Variants in EPHA3 observed in about 807,000 individuals in gnomAD.
EPHA3 encodes EPH receptor A3.
In EPHA3, 42 loss-of-function variants were observed where a neutral mutation model predicts 107.1. The observed-to-expected ratio is 0.39, with a 90% CI of 0.31 to 0.51. EPHA3 has a LOEUF of 0.51. EPHA3 is among the 20% of genes least tolerant of loss of function. The probability of loss-of-function intolerance (pLI) is 0.78; values close to 1 mark genes in which losing one functional copy is unlikely to be tolerated. For missense variants in EPHA3, 1,183 were observed against 1,211.2 expected (o/e 0.98, Z 0.35); for synonymous variants, 461 against 424.8 (o/e 1.09, Z -1.05).
chr3:89,420,768 G>GGT (rs1436140121), intron 11 of EPHA3, among the ~76,000 whole-genome samples: 1 of 148,362 alleles, frequency 6.7e-6, no homozygotes, highest in Non-Finnish European at 1.5e-5. Context: ...TGCATCAAGT[G>GGT]GTGGTTGCCT....
intron 1 of EPHA3, among the ~76,000 whole-genome samples, chr3:89,121,554 C>G (rs1031932009): frequency 2.0e-5 from 3 of 151,910 alleles, no homozygotes; most frequent in Non-Finnish European, 4.4e-5. Context: ...GTCAAGAGAT[C>G]GAGACAATCC....
chr3:89,443,702 A>T (rs1709826591), intron 13 of EPHA3, among the ~76,000 whole-genome samples: 1 of 152,172 alleles, frequency 6.6e-6, no homozygotes, highest in African/African-American at 2.4e-5. Flanking sequence ...CAGAGGTAGA[A>T]AATAAGACAT....
intron 15 of EPHA3, among the ~76,000 whole-genome samples, chr3:89,472,253 G>A (rs1486477085): frequency 1.3e-5 from 2 of 152,170 alleles, no homozygotes; most frequent in Non-Finnish European, 2.9e-5. Context: ...TTTGTGGATG[G>A]AGAAGGGGAG....
chr3:89,398,403 T>C (rs1708891987), intron 6 of EPHA3, among the ~76,000 whole-genome samples: 1 of 152,348 alleles, frequency 6.6e-6, no homozygotes, highest in Non-Finnish European at 1.5e-5. Context: ...GTGAATCTAA[T>C]GTACAATGTG....
intron 10 of EPHA3, among the ~76,000 whole-genome samples, chr3:89,417,254 C>T (rs1709267724): frequency 1.3e-5 from 2 of 151,404 alleles, no homozygotes; most frequent in African/African-American, 4.8e-5. Context: ...AATCACACAG[C>T]TAATATGTGG....
chr3:89,109,608 A>G (rs961029198), intron 1 of EPHA3, among the ~76,000 whole-genome samples: 1 of 152,018 alleles, frequency 6.6e-6, no homozygotes, highest in Non-Finnish European at 1.5e-5. Flanking sequence ...AAAAGACACC[A>G]AACTATTTCA....
At chr3:89,393,715 G>C (rs1165578657) in intron 5 of EPHA3, among the ~76,000 whole-genome samples, 1 of 152,064 alleles carries the variant, frequency 6.6e-6, no homozygotes, top group Admixed American at 6.5e-5. Context: ...CACTGGGGCT[G>C]AAATTTTTTT....
At chr3:89,357,902 A>G (rs1437013196) in intron 5 of EPHA3, among the ~76,000 whole-genome samples, 1 of 151,260 alleles carries the variant, frequency 6.6e-6, no homozygotes, top group African/African-American at 2.4e-5. Context: ...TTTCCATTCT[A>G]AGCTGCTTTT....
At chr3:89,113,738 T>TGG (rs140518086) in intron 1 of EPHA3, among the ~76,000 whole-genome samples, 3,597 of 141,526 alleles carry the variant, frequency 0.025, 122 homozygotes, top group African/African-American at 0.078. Context: ...GGGGTTGAGG[T>TGG]GGGGGGGGGC....
rs770788537 is a variant in EPHA3 at position 89,367,451 on chromosome 3, G to A, written c.1306+25361G>A. On this transcript the variant is annotated intron_variant, in intron 5 of 16. Transcript: ENST00000336596. ...GGTGAAGTGACTCCTCAAAGGCAGG[G>A]ACCTAGCTTTATCCATGTTTGCTGA... Among the ~76,000 whole-genome samples, 104 of 150,598 alleles carry A rather than the reference G, an allele frequency of 6.9e-4. 6 individuals carry two copies. In the Middle Eastern group the frequency reaches 0.014, roughly 20 times the overall value.
intron 5 of EPHA3, among the ~76,000 whole-genome samples, chr3:89,385,705 A>G (rs568369710): frequency 6.6e-6 from 1 of 152,136 alleles, no homozygotes; most frequent in Non-Finnish European, 1.5e-5. Flanking sequence ...TGTGGAAGCA[A>G]CTTAGGAACT....
chr3:89,431,116 C>T (rs776747741), intron 12 of EPHA3, 34 bp from the exon 13 acceptor site: 9 of 1,584,092 alleles, frequency 5.7e-6, no homozygotes, highest in East Asian at 2.2e-5. Context: ...GAAATAGGAA[C>T]GTATCTTAAT....
At chr3:89,310,179 G>C (rs1293388769) in intron 3 of EPHA3, among the ~76,000 whole-genome samples, 1 of 151,970 alleles carries the variant, frequency 6.6e-6, no homozygotes. Context: ...TCAGGCCAGG[G>C]TTCTTTATAT....
rs1389332620 is a variant in EPHA3, at chr3:89,435,927, TG to T, written c.2346+4573del. ...GAGATTGTGCCATTGCACTCTAGCC[TG>T]GGGGACAGAGTGAGAATCCATCTCA... On this transcript the variant is annotated intron_variant, in intron 13 of 16. Transcript: ENST00000336596. Among the ~76,000 whole-genome samples, 7 of 150,656 alleles carry T rather than the reference TG, an allele frequency of 4.6e-5. No homozygotes were observed. The East Asian group carries it at 1.4e-3, about 29-fold the overall frequency.
intron 2 of EPHA3, among the ~76,000 whole-genome samples, chr3:89,145,893 T>A (rs1288862098): frequency 1.3e-5 from 2 of 151,786 alleles, no homozygotes; most frequent in African/African-American, 4.8e-5. Flanking sequence ...TTAAAATAAG[T>A]TGCATAATTT....
At chr3:89,418,625 T>A (rs1052305811) in intron 10 of EPHA3, among the ~76,000 whole-genome samples, 1 of 151,436 alleles carries the variant, frequency 6.6e-6, no homozygotes, top group Non-Finnish European at 1.5e-5. Flanking sequence ...TTGTTTTTAT[T>A]TGATACTGTT....
At chr3:89,429,510 G>A (rs1166132567) in intron 12 of EPHA3, among the ~76,000 whole-genome samples, 1 of 152,044 alleles carries the variant, frequency 6.6e-6, no homozygotes, top group East Asian at 1.9e-4. Flanking sequence ...AGTAATCTCA[G>A]TCTGATATAA....
intron 3 of EPHA3, among the ~76,000 whole-genome samples, chr3:89,304,674 T>A (rs1706569302): frequency 6.6e-6 from 1 of 152,152 alleles, no homozygotes. Context: ...ATCTTCCCAG[T>A]GTATTTTTCA....
At chr3:89,352,902 C>CAAAAAAAAAAAAAAAAAAAAAAAA (rs1215369952) in intron 5 of EPHA3, among the ~76,000 whole-genome samples, 2 of 41,028 alleles carry the variant, frequency 4.9e-5, no homozygotes, top group African/African-American at 2.0e-4. Flanking sequence ...GACTCTGTCT[C>CAAAAAAAAAAAAAAAAAAAAAAAA]AAAAAAAAAA....
Sources: gnomAD v4.1 joint callset for allele counts (sites outside exome capture counted in the v4.1 genomes callset) on GRCh38, gnomAD v4.1.1 for gene constraint, MANE v1.5 for transcripts, NCBI Gene and HGNC (gene_info 2026-07-23, HGNC 2026-07-21) for gene names.